Variants in MELTF observed in about 807,000 individuals in gnomAD.
MELTF encodes antigen p97 (melanoma associated) identified by monoclonal antibodies 133.2 and 96.5.
A neutral mutation model predicts 83.7 loss-of-function variants in MELTF; 67 were observed. The ratio of observed to expected loss-of-function variants is 0.80; its 90% CI spans 0.66 to 0.98. The LOEUF is 0.98. Ranked by LOEUF, MELTF falls within the 50% of genes least tolerant of loss-of-function variation. The pLI is 0.00. For missense variants in MELTF, 1,002 were observed against 1,035.6 expected, an observed-to-expected ratio of 0.97 and a Z score of 0.44; for synonymous variants, 462 against 447.6, an observed-to-expected ratio of 1.03 and a Z score of -0.41.
At chr3:197,017,808 C>T (rs572209032) in intron 6 of MELTF, among the ~76,000 whole-genome samples, 102 of 152,116 alleles carry the variant, frequency 6.7e-4, no homozygotes, top group Non-Finnish European at 1.1e-3. Context: ...ACCTGGGAGG[C>T]GGAGCTTGCA....
At chr3:197,009,561 C>A (rs1284927163) in intron 11 of MELTF, 57 bp downstream of exon 11, 13 of 1,534,866 alleles carry the variant, frequency 8.5e-6, no homozygotes, top group South Asian at 1.2e-5. Context: ...GCTGCGGGTC[C>A]CTAGCTAACC....
chr3:197,009,608 G>GT lies in MELTF; in HGVS notation c.1525+9_1525+10insA. The GT allele has an allele frequency of 1.9e-6, 3 of 1,596,138 alleles. No individual in the cohort carries two copies. The highest frequency in any genetic ancestry group is 1.7e-4 in the Middle Eastern group (1 of 6,004). On this transcript the variant is annotated intron_variant, in intron 11 of 15. Transcript: ENST00000296350. ...TTCCCCAGTCTGCGTTCCTAAAAAG[G>GT]GGGGGGTACCTGTGAGGACGTCACA...
intron 4 of MELTF, 24 bp from the exon 5 acceptor site, chr3:197,023,137 C>T: frequency 6.2e-7 from 1 of 1,612,694 alleles, no homozygotes; most frequent in Non-Finnish European, 8.5e-7. Flanking sequence ...GTAGAGAGGT[C>T]ACTCAGCAGA....
chr3:197,004,085 G>A lies in MELTF; in HGVS notation c.1953C>T (p.Asp651=), dbSNP rs755186649. The A allele has an allele frequency of 4.3e-6, 7 of 1,613,994 alleles. No homozygotes were observed. The highest frequency in any genetic ancestry group is 5.9e-6 in the Non-Finnish European group (7 of 1,180,028). The part of the protein sequence containing the change: ...LLDKAQDLFG[D]DHNKNGFKMF... ...TTTTGAACCCGTTCTTATTGTGGTC[G>A]TCTCCAAACAGGTCCTGGAAGCACC... Residue 651 remains aspartate (D), a synonymous_variant, in exon 15 of 16, where the codon GAC becomes GAT. Transcript: ENST00000296350.
intron 14 of MELTF, among the ~76,000 whole-genome samples, chr3:197,005,517 G>A (rs1365637236): frequency 6.6e-6 from 1 of 152,222 alleles, no homozygotes; most frequent in East Asian, 1.9e-4. Flanking sequence ...ACAGGGAAGA[G>A]GGCTGAGAAC....
chr3:197,013,461 G>T (rs1206954179), intron 9 of MELTF, among the ~76,000 whole-genome samples: 1 of 152,170 alleles, frequency 6.6e-6, no homozygotes, highest in Non-Finnish European at 1.5e-5. Flanking sequence ...ATTGGTCTGA[G>T]AAAAGATTTT....
intron 1 of MELTF, 67 bp from the exon 2 acceptor site, chr3:197,027,977 G>A (rs1719935108): frequency 4.0e-6 from 6 of 1,488,174 alleles, no homozygotes; most frequent in Admixed American, 2.0e-5. Flanking sequence ...CATGGAGGGT[G>A]GCTCCAGCAG....
intron 6 of MELTF, chr3:197,019,859 A>C (rs559789649): frequency 1.7e-4 from 256 of 1,505,066 alleles, no homozygotes; most frequent in African/African-American, 4.2e-4. Context: ...TAAAAAAAAA[A>C]CCCAATCATC....
intron 6 of MELTF, chr3:197,019,211 C>T (rs60168961): frequency 0.027 from 26,933 of 1,002,660 alleles, 1,047 homozygotes; most frequent in African/African-American, 0.14. Context: ...TCCTGTTTTT[C>T]GGCGGCTGCA....
rs1719996600 is a variant in MELTF, at chr3:197,029,438, G to A, written c.49+216C>T. Reference sequence around the variant, plus strand: ...GGAGCGTCGGAAGCCTCGGGTGTTCGAGGCCGCCTCCTCCAAGAAGCCTTC... The same window carrying A: ...GGAGCGTCGGAAGCCTCGGGTGTTCAAGGCCGCCTCCTCCAAGAAGCCTTC... On this transcript the variant is annotated intron_variant, in intron 1 of 15. Coordinates refer to ENST00000296350, the MANE Select transcript of MELTF (RefSeq NM_005929.6). This position sits in a 1 kb window ranked among gnomAD's most constrained non-coding sequence, Gnocchi z 6.5. The A allele has an allele frequency of 2.5e-6, 1 of 399,314 alleles. No homozygotes were observed. Among genetic ancestry groups the A allele is most frequent in the Non-Finnish European group, 4.4e-6 (1 of 229,760 alleles). The allele number at this position is 399,314 out of a possible 1,614,324, so 24.7% of individuals were successfully genotyped here.
At position 197,006,089 on chromosome 3, in the gene MELTF, C is replaced by T. The variant is rs1718965802; in HGVS notation, c.1938+460G>A. 1.3e-5 allele frequency among the ~76,000 whole-genome samples: 2 copies of T among 152,012 alleles called. No homozygotes were observed. The highest frequency in any genetic ancestry group is 2.1e-4 in the South Asian group (1 of 4,812). ...AGAAAAAATTAGCCAGGCATGGTGG[C>T]GGGTGCCTGTAGTCCCAGCTACTCA... is the stretch of plus-strand genomic sequence containing the variant. On this transcript the variant is annotated intron_variant, in intron 14 of 15. Transcript: ENST00000296350. This position sits in a 1 kb window ranked among gnomAD's most constrained non-coding sequence, Gnocchi z 5.4.
At chr3:197,023,320 C>G (rs1353557227) in intron 4 of MELTF, among the ~76,000 whole-genome samples, 1 of 152,186 alleles carries the variant, frequency 6.6e-6, no homozygotes, top group African/African-American at 2.4e-5. Context: ...GCACTGGGAG[C>G]GACTGTCATT....
At chr3:197,021,327 G>C in intron 6 of MELTF, 77 bp downstream of exon 6, 1 of 1,420,290 alleles carries the variant, frequency 7.0e-7, no homozygotes. Context: ...TCCCAACTCT[G>C]CCATCTAGGG....
Position 197,008,691 on chromosome 3 carries a change from G to A in MELTF, c.1716C>T (p.Phe572=), listed in dbSNP as rs751518254. 8 of 1,613,986 alleles carry A rather than the reference G, an allele frequency of 5.0e-6. No homozygotes were observed. The highest frequency in any genetic ancestry group is 4.0e-5 in the African/African-American group (3 of 74,894). The stretch of plus-strand genomic sequence containing the variant: ...TGTCAAAGACGGTTGTGTGCCTGAC[G>A]AAGGCAACGTCACCCGCATTCTCCA... The part of the protein sequence containing the change: ...CLVENAGDVA[F]VRHTTVFDNT... The change falls in exon 13 of 16, where the codon TTC becomes TTT. Residue 572 remains phenylalanine, a synonymous_variant. Coordinates refer to ENST00000296350, the MANE Select transcript of MELTF (RefSeq NM_005929.6). This position sits in a 1 kb window ranked among gnomAD's most constrained non-coding sequence, Gnocchi z 5.4.
chr3:197,025,279 C>T (rs1719807591), intron 3 of MELTF, among the ~76,000 whole-genome samples: 1 of 152,252 alleles, frequency 6.6e-6, no homozygotes. Flanking sequence ...AGTTCTAGAA[C>T]ATAAAGCCAG....
At chr3:197,015,609 T>G (rs898154256) in intron 8 of MELTF, 93 bp from the exon 9 acceptor site, 17 of 1,349,024 alleles carry the variant, frequency 1.3e-5, no homozygotes, top group Non-Finnish European at 1.7e-5. Context: ...GCCTTTCTCC[T>G]GTCAGGTGTG....
In MELTF at chr3:197,018,861, G is replaced by A. The variant is rs565455576; in HGVS notation, c.713-1571C>T. The A allele has an allele frequency of 1.0e-5, 9 of 885,374 alleles. No individual in the cohort carries two copies. The African/African-American group carries it at 1.1e-4, about 11-fold the overall frequency. 54.8% of individuals were successfully genotyped at this position (885,374 alleles called of 1,614,324 possible). On this transcript the variant is annotated intron_variant, in intron 6 of 15. Transcript: ENST00000296350. ...CTTTCCATAAGTTCATTTGTTTCTC[G>A]ATAGAAAAGAAAATTTGCAAGAGTA...
intron 6 of MELTF, chr3:197,019,696 G>A (rs1560219765): frequency 3.7e-6 from 6 of 1,613,952 alleles, no homozygotes; most frequent in Non-Finnish European, 5.1e-6. Context: ...CCATTTCCAG[G>A]CTTGCCCAGC....
chr3:197,004,514 A>C, intron 14 of MELTF: 2 of 215,694 alleles, frequency 9.3e-6, no homozygotes, highest in South Asian at 6.6e-5. Flanking sequence ...ACAAACCTAA[A>C]CAATTTCGAG....
Sources: gnomAD v4.1 joint callset for allele counts (sites outside exome capture counted in the v4.1 genomes callset) on GRCh38, gnomAD v4.1.1 for gene constraint, Gnocchi (gnomAD v3.1) non-coding constraint, MANE v1.5 for transcripts, NCBI Gene and HGNC (gene_info 2026-07-23, HGNC 2026-07-21) for gene names.